DSE: variants seen among roughly 807,000 people sequenced by gnomAD.
The protein encoded by DSE is dermatan-sulfate epimerase.
A neutral mutation model predicts 84.4 loss-of-function variants in DSE; 36 were observed. The observed-to-expected ratio is 0.43, with a 90% CI of 0.33 to 0.56. The LOEUF (loss-of-function observed/expected upper bound fraction) is 0.56. Among genes scored for constraint, DSE ranks in the 20% least tolerant of loss-of-function variants. The pLI, the probability that DSE is intolerant of heterozygous loss-of-function variation, is 0.06. For synonymous variants in DSE, 410 were observed against 430.1 expected, an observed-to-expected ratio of 0.95 and a Z score of 0.58; for missense variants, 862 against 1,169.6, an observed-to-expected ratio of 0.74 and a Z score of 3.84.
intron 2 of DSE, among the ~76,000 whole-genome samples, chr6:116,309,525 G>A (rs910421850): frequency 6.6e-6 from 1 of 152,072 alleles, no homozygotes; most frequent in African/African-American, 2.4e-5. Flanking sequence ...ATTCATCTTT[G>A]CTTATATTAA....
intron 2 of DSE, among the ~76,000 whole-genome samples, chr6:116,318,264 TG>T (rs1776104060): frequency 6.6e-6 from 1 of 152,130 alleles, no homozygotes; most frequent in African/African-American, 2.4e-5. Flanking sequence ...CCCAACACTT[TG>T]GGAGGCCAAG....
chr6:116,398,219 G>C (rs1241422895), intron 1 of DSE, among the ~76,000 whole-genome samples: 1 of 152,090 alleles, frequency 6.6e-6, no homozygotes, highest in Non-Finnish European at 1.5e-5. Flanking sequence ...CCCAGATGTG[G>C]GACATTGACT....
chr6:116,376,830 A>G (rs1779957577), intron 1 of DSE, among the ~76,000 whole-genome samples: 1 of 152,242 alleles, frequency 6.6e-6, no homozygotes, highest in East Asian at 1.9e-4. Context: ...AACAAAAGAC[A>G]TATAGGCAGT....
At chr6:116,258,770 T>C in exon 2 of DSE, 1 of 1,609,846 alleles carries the variant, frequency 6.2e-7, no homozygotes, top group Non-Finnish European at 8.5e-7. Context: ...CTGTTGATGA[T>C]GGCGTTCACC....
chr6:116,295,116 A>G (rs1774579103), intron 2 of DSE, among the ~76,000 whole-genome samples: 1 of 152,178 alleles, frequency 6.6e-6, no homozygotes, highest in Non-Finnish European at 1.5e-5. Flanking sequence ...ACACAGAAAA[A>G]AAGACCTACT....
rs1021415131 is a variant in DSE, at chr6:116,441,380, C to G, written c.*4035C>G. On this transcript the variant is annotated 3_prime_UTR_variant, in exon 6 of 6. Coordinates refer to ENST00000644252, the MANE Select transcript of DSE (RefSeq NM_013352.4). ...ATTGAAAAAGTATAGTACTAGAAGC[C>G]TTATTTAAAAAACAAAACAATAAAT... The G allele has an allele frequency of 6.6e-6, 1 of 152,100 alleles. No homozygotes were observed. The highest frequency in any genetic ancestry group is 1.5e-5 in the Non-Finnish European group (1 of 68,012). The allele number at this position is 152,100 out of a possible 1,614,324, so 9.4% of individuals were successfully genotyped here. A position where few individuals can be genotyped will look rare whatever the true frequency, so the allele number is the denominator to read the frequency against.
intron 2 of DSE, among the ~76,000 whole-genome samples, chr6:116,354,905 TG>T (rs1408612246): frequency 1.3e-5 from 2 of 152,172 alleles, no homozygotes; most frequent in Admixed American, 6.5e-5. Context: ...AATCTGTAAT[TG>T]GCTTTTTAAT....
At chr6:116,266,228 TA>T (rs1299927450) in intron 2 of DSE, among the ~76,000 whole-genome samples, 2 of 152,238 alleles carry the variant, frequency 1.3e-5, no homozygotes, top group Non-Finnish European at 2.9e-5. Context: ...CATGGTATAC[TA>T]GTCATCCAGG....
rs988605243 is a variant in DSE at position 116,284,693 on chromosome 6, C to T, written c.-54+25726C>T. Reference sequence around the variant, plus strand: ...CCTCCCCCAACCTCATGATAGGCCCCGGTGTGTGATGTTCCCCACCCTGTG... The same window carrying T: ...CCTCCCCCAACCTCATGATAGGCCCTGGTGTGTGATGTTCCCCACCCTGTG... On this transcript the variant is annotated intron_variant, in intron 2 of 3. Transcript: ENST00000430252. Among the ~76,000 whole-genome samples, 9 of 132,542 alleles carry T rather than the reference C, an allele frequency of 6.8e-5. 1 individual carries two copies. Among genetic ancestry groups the T allele is most frequent in the Admixed American group, 5.5e-4 (7 of 12,700 alleles). 87.0% of individuals were successfully genotyped at this position (132,542 alleles called of 152,430 possible).
intron 2 of DSE, among the ~76,000 whole-genome samples, chr6:116,358,395 C>T (rs748167868): frequency 2.0e-5 from 3 of 152,114 alleles, no homozygotes; most frequent in Non-Finnish European, 4.4e-5. Context: ...ATAAATGGAG[C>T]TTTGTTGAGG....
chr6:116,279,176 C>A (rs760151234), intron 2 of DSE: 2 of 1,612,918 alleles, frequency 1.2e-6, no homozygotes, highest in Non-Finnish European at 8.5e-7. Context: ...GGCCAGGGCC[C>A]TTCTTCCTCC....
At chr6:116,386,329 A>G (rs1179353005) in intron 1 of DSE, among the ~76,000 whole-genome samples, 2 of 152,256 alleles carry the variant, frequency 1.3e-5, no homozygotes, top group East Asian at 3.8e-4. Context: ...TGGATGGGGA[A>G]GCAGTCCCCA....
intron 2 of DSE, among the ~76,000 whole-genome samples, chr6:116,299,545 TATATATACACATACACACACACAC>T (rs1774896209): frequency 2.8e-5 from 1 of 35,478 alleles, no homozygotes; most frequent in Admixed American, 3.3e-4. Flanking sequence ...TATATATATA[TATATATACACATACACACACACAC>T]ACACATACAT....
chr6:116,270,335 T>C (rs1310511465), intron 2 of DSE, among the ~76,000 whole-genome samples: 1 of 152,154 alleles, frequency 6.6e-6, no homozygotes, highest in Non-Finnish European at 1.5e-5. Flanking sequence ...TGCACCTGTT[T>C]TTAAAGCCAT....
intron 2 of DSE, among the ~76,000 whole-genome samples, chr6:116,293,285 T>C (rs1343225824): frequency 1.3e-5 from 2 of 151,606 alleles, no homozygotes; most frequent in African/African-American, 4.8e-5. Flanking sequence ...TTTCTTTTTT[T>C]TTTTTGACAC....
chr6:116,352,924 C>T (rs1484418924), intron 2 of DSE, among the ~76,000 whole-genome samples: 3 of 152,116 alleles, frequency 2.0e-5, no homozygotes, highest in African/African-American at 2.4e-5. Flanking sequence ...CTCCTCCTTC[C>T]TCTCTCTCTT....
chr6:116,386,964 A>C (rs896345599), intron 1 of DSE, among the ~76,000 whole-genome samples: 1 of 152,252 alleles, frequency 6.6e-6, no homozygotes, highest in African/African-American at 2.4e-5. Context: ...AGAAGATATG[A>C]TATAAGGACA....
intron 2 of DSE, among the ~76,000 whole-genome samples, chr6:116,266,778 C>T (rs1045669262): frequency 1.3e-5 from 2 of 152,232 alleles, no homozygotes; most frequent in Non-Finnish European, 2.9e-5. Context: ...TAACTAATGG[C>T]TTATTTTACA....
chr6:116,280,082 C>CCA, intron 2 of DSE: 1 of 593,874 alleles, frequency 1.7e-6, no homozygotes, highest in South Asian at 1.9e-5. Flanking sequence ...GTAATTTTAC[C>CCA]TACGTAAATA....
Sources: gnomAD v4.1 joint callset for allele counts (sites outside exome capture counted in the v4.1 genomes callset) on GRCh38, gnomAD v4.1.1 for gene constraint, MANE v1.5 for transcripts, NCBI Gene and HGNC (gene_info 2026-07-23, HGNC 2026-07-21) for gene names.